DAB1: variants seen among roughly 807,000 people sequenced by gnomAD.
The protein encoded by DAB1 is disabled homolog 1.
A neutral mutation model predicts 64.6 loss-of-function variants in DAB1; 15 were observed. The observed-to-expected ratio is 0.23, with a 90% CI of 0.16 to 0.36. The LOEUF (loss-of-function observed/expected upper bound fraction) is 0.36, where lower values mean the gene tolerates loss of function less well. Among genes scored for constraint, DAB1 ranks in the 10% least tolerant of loss-of-function variants. The probability of loss-of-function intolerance (pLI) is 1.00; values close to 1 mark genes in which losing one functional copy is unlikely to be tolerated. For synonymous variants in DAB1, 235 were observed against 251.9 expected, an observed-to-expected ratio of 0.93 and a Z score of 0.64; for missense variants, 596 against 706.7, an observed-to-expected ratio of 0.84 and a Z score of 1.78.
At chr1:57,704,853 T>C (rs1304694591) in intron 6 of DAB1, among the ~76,000 whole-genome samples, 1 of 121,038 alleles carries the variant, frequency 8.3e-6, no homozygotes, top group Non-Finnish European at 1.8e-5. Context: ...GACTCTAAAA[T>C]GCCCTTGCTC....
intron 7 of DAB1, among the ~76,000 whole-genome samples, chr1:57,587,112 C>T (rs1645390293): frequency 1.3e-5 from 2 of 152,152 alleles, no homozygotes; most frequent in Non-Finnish European, 2.9e-5. Context: ...GGAAAATTTT[C>T]CCAAATGAAT....
chr1:57,362,372 T>G (rs893924858), intron 1 of DAB1, among the ~76,000 whole-genome samples: 2 of 152,296 alleles, frequency 1.3e-5, no homozygotes, highest in African/African-American at 4.8e-5. Context: ...CTAAACTTTC[T>G]GCAATTTACT....
intron 5 of DAB1, among the ~76,000 whole-genome samples, chr1:58,131,772 G>T (rs1570396440): frequency 6.7e-6 from 1 of 148,700 alleles, no homozygotes; most frequent in Non-Finnish European, 1.5e-5. Flanking sequence ...GGCTGCTCGG[G>T]GGTCAGGGGT....
chr1:57,338,790 GCCC>G (rs1044831994), intron 1 of DAB1, among the ~76,000 whole-genome samples: 1 of 152,136 alleles, frequency 6.6e-6, no homozygotes, highest in African/African-American at 2.4e-5. Flanking sequence ...AGGATCAGGG[GCCC>G]CAAGTCATCT....
intron 6 of DAB1, among the ~76,000 whole-genome samples, chr1:57,733,113 A>G (rs1286405639): frequency 3.9e-5 from 6 of 152,112 alleles, no homozygotes; most frequent in Admixed American, 3.3e-4. Flanking sequence ...CAGAGAGGGG[A>G]AAAAGTGAAG....
At chr1:57,687,599 CAAAAAAAAAAA>C (rs57316234) in intron 6 of DAB1, among the ~76,000 whole-genome samples, 2 of 82,458 alleles carry the variant, frequency 2.4e-5, no homozygotes, top group East Asian at 3.7e-4. Flanking sequence ...TCTTAAGAAA[CAAAAAAAAAAA>C]AAAAAAAAAG....
At chr1:57,735,483 C>G (rs1431218002) in intron 6 of DAB1, among the ~76,000 whole-genome samples, 1 of 151,920 alleles carries the variant, frequency 6.6e-6, no homozygotes, top group African/African-American at 2.4e-5. Flanking sequence ...GGTGTGCTAG[C>G]AGCTAGGATG....
At position 58,401,211 on chromosome 1, in the gene DAB1, C is replaced by T. The variant is rs185070901; in HGVS notation, n.258-57808G>A. Among the ~76,000 whole-genome samples, 384 of 152,312 alleles carry T rather than the reference C, an allele frequency of 2.5e-3. 2 individuals carry two copies. The highest frequency in any genetic ancestry group is 3.4e-3 in the Middle Eastern group (1 of 294). On this transcript the variant is annotated intron_variant and non_coding_transcript_variant, in intron 3 of 20. Coordinates refer to the DAB1 transcript ENST00000485760. ...GGAAAAGTCAAAGTCCTTCCCGTGT[C>T]CTGGAAGACCCAAGTGTGATCTTCC... is the stretch of plus-strand genomic sequence containing the variant.
At chr1:57,036,157 A>G (rs1047095109) in intron 9 of DAB1, among the ~76,000 whole-genome samples, 1 of 152,100 alleles carries the variant, frequency 6.6e-6, no homozygotes, top group Non-Finnish European at 1.5e-5. Flanking sequence ...AATATTTGGA[A>G]ATAGAGGAAA....
chr1:57,280,269 C>G (rs150157898), intron 2 of DAB1, among the ~76,000 whole-genome samples: 1 of 152,300 alleles, frequency 6.6e-6, no homozygotes, highest in Non-Finnish European at 1.5e-5. Flanking sequence ...CTGCTCTTGC[C>G]TCTCCTCTGC....
intron 4 of DAB1, among the ~76,000 whole-genome samples, chr1:57,132,535 G>A (rs115562838): frequency 0.01 from 1,532 of 152,170 alleles, 26 homozygotes; most frequent in East Asian, 0.055. Flanking sequence ...AAAACTTTTT[G>A]AGCCCTGACA....
chr1:58,380,510 T>C (rs1395744783), intron 3 of DAB1, among the ~76,000 whole-genome samples: 5 of 152,232 alleles, frequency 3.3e-5, no homozygotes, highest in African/African-American at 9.6e-5. Context: ...GATTGTTGCA[T>C]GAGAAAGAAA....
intron 5 of DAB1, among the ~76,000 whole-genome samples, chr1:58,066,868 A>G (rs1051129063): frequency 6.6e-6 from 1 of 152,162 alleles, no homozygotes; most frequent in Admixed American, 6.5e-5. Context: ...AACAAAATTG[A>G]ATGACATCTT....
intron 5 of DAB1, among the ~76,000 whole-genome samples, chr1:58,004,291 C>T (rs192676424): frequency 1.3e-5 from 2 of 152,214 alleles, no homozygotes; most frequent in African/African-American, 4.8e-5. Context: ...GGCTAAGTGC[C>T]CTGGCTGAGG....
intron 5 of DAB1, chr1:58,048,942 C>T (rs1647435811): frequency 1.2e-6 from 1 of 856,674 alleles, no homozygotes; most frequent in African/African-American, 1.6e-5. Flanking sequence ...AGGTGATGTT[C>T]TTCAGTGTCT....
intron 4 of DAB1, among the ~76,000 whole-genome samples, chr1:58,299,564 G>T (rs1395476674): frequency 6.6e-6 from 1 of 152,178 alleles, no homozygotes; most frequent in Admixed American, 6.5e-5. Context: ...CATATATGGG[G>T]TGATTCCTCA....
intron 5 of DAB1, among the ~76,000 whole-genome samples, chr1:58,056,993 T>C (rs1249515951): frequency 1.3e-5 from 2 of 151,602 alleles, no homozygotes; most frequent in Non-Finnish European, 1.5e-5. Context: ...ACTTAAACAA[T>C]CCCTTTATTA....
intron 3 of DAB1, among the ~76,000 whole-genome samples, chr1:58,451,128 C>A (rs1024795706): frequency 6.6e-6 from 1 of 152,120 alleles, no homozygotes; most frequent in African/African-American, 2.4e-5. Flanking sequence ...TTTGCTCTGT[C>A]ACTCAGGGTG....
intron 1 of DAB1, among the ~76,000 whole-genome samples, chr1:57,387,713 T>G (rs925385462): frequency 3.3e-5 from 5 of 150,928 alleles, no homozygotes; most frequent in African/African-American, 1.2e-4. Context: ...TCCCAGCTAC[T>G]CGGGAGGCTG....
Sources: gnomAD v4.1 joint callset for allele counts (sites outside exome capture counted in the v4.1 genomes callset) on GRCh38, gnomAD v4.1.1 for gene constraint, MANE v1.5 for transcripts, NCBI Gene and HGNC (gene_info 2026-07-23, HGNC 2026-07-21) for gene names.